NKAIN3: variants seen among roughly 807,000 people sequenced by gnomAD.
NKAIN3 encodes the protein sodium/potassium transporting ATPase interacting 3.
NKAIN3 carries 25 observed loss-of-function variants against 30.2 expected under a neutral mutation model. That is an observed-to-expected ratio of 0.83 (90% CI 0.60 to 1.16). NKAIN3 has a LOEUF of 1.16. Ranked by LOEUF, NKAIN3 falls within the 50% of genes most tolerant of loss-of-function variation. NKAIN3 has a pLI of 0.00. For missense variants in NKAIN3, 225 were observed against 254.1 expected (o/e 0.89, Z 0.78); for synonymous variants, 91 against 89.6 (o/e 1.02, Z -0.09).
At chr8:62,368,306 A>G (rs1009749869) in intron 1 of NKAIN3, among the ~76,000 whole-genome samples, 3 of 152,190 alleles carry the variant, frequency 2.0e-5, no homozygotes, top group Non-Finnish European at 2.9e-5. Context: ...CTCAAAATCT[A>G]TTATGAAGCT....
chr8:62,510,468 C>T (rs768775368), intron 1 of NKAIN3, among the ~76,000 whole-genome samples: 12 of 152,068 alleles, frequency 7.9e-5, no homozygotes, highest in Admixed American at 2.0e-4. Context: ...TGACAACTCA[C>T]GGCAGTGCAG....
intron 1 of NKAIN3, among the ~76,000 whole-genome samples, chr8:62,542,263 A>G (rs1342397965): frequency 6.6e-6 from 1 of 152,172 alleles, no homozygotes; most frequent in Admixed American, 6.5e-5. Flanking sequence ...CCTACTCTAA[A>G]TTCTTTCTGG....
intron 1 of NKAIN3, among the ~76,000 whole-genome samples, chr8:62,299,872 C>T (rs1221851770): frequency 1.3e-5 from 2 of 151,994 alleles, no homozygotes; most frequent in African/African-American, 4.8e-5. Context: ...TATTTTGTTA[C>T]CAGTTTCCTG....
At chr8:62,772,388 G>A (rs1365792869) in intron 4 of NKAIN3, among the ~76,000 whole-genome samples, 1 of 151,956 alleles carries the variant, frequency 6.6e-6, no homozygotes, top group African/African-American at 2.4e-5. Context: ...GATATCTTTT[G>A]ACAGTTTTTT....
At chr8:62,772,452 A>G (rs1817049892) in intron 4 of NKAIN3, among the ~76,000 whole-genome samples, 1 of 152,168 alleles carries the variant, frequency 6.6e-6, no homozygotes, top group Non-Finnish European at 1.5e-5. Context: ...CATTCTCACC[A>G]AAAAGTGTAT....
intron 3 of NKAIN3, among the ~76,000 whole-genome samples, chr8:62,648,050 C>T (rs974156569): frequency 6.6e-6 from 1 of 152,026 alleles, no homozygotes; most frequent in South Asian, 2.1e-4. Flanking sequence ...CAAAGTGATT[C>T]TCGGGTTTCT....
chr8:62,623,718 C>T (rs1039316104), intron 3 of NKAIN3, among the ~76,000 whole-genome samples: 1 of 151,974 alleles, frequency 6.6e-6, no homozygotes, highest in African/African-American at 2.4e-5. Flanking sequence ...TTTATTTCTC[C>T]TCCACTTTTG....
intron 4 of NKAIN3, among the ~76,000 whole-genome samples, chr8:62,766,917 G>T (rs114552145): frequency 0.074 from 3,939 of 53,048 alleles, 179 homozygotes; most frequent in African/African-American, 0.21. Flanking sequence ...CCCACCCCCC[G>T]ACCCCGGCGA....
intron 1 of NKAIN3, among the ~76,000 whole-genome samples, chr8:62,361,049 C>T (rs1263150278): frequency 6.6e-6 from 1 of 150,880 alleles, no homozygotes; most frequent in East Asian, 1.9e-4. Flanking sequence ...AGGACAAGAG[C>T]CATCTCTACA....
chr8:62,393,022 G>A (rs1817622313), intron 1 of NKAIN3, among the ~76,000 whole-genome samples: 1 of 151,980 alleles, frequency 6.6e-6, no homozygotes, highest in African/African-American at 2.4e-5. Flanking sequence ...ACATGGTGCA[G>A]GTCTCTAAAT....
intron 1 of NKAIN3, among the ~76,000 whole-genome samples, chr8:62,323,874 A>T (rs572606179): frequency 1.2e-4 from 19 of 152,338 alleles, no homozygotes; most frequent in South Asian, 6.2e-4. Flanking sequence ...AAACTGAATA[A>T]TTCCAAATAT....
chr8:62,553,685 C>A (rs926848411), intron 1 of NKAIN3, among the ~76,000 whole-genome samples: 2 of 151,794 alleles, frequency 1.3e-5, no homozygotes, highest in East Asian at 1.9e-4. Flanking sequence ...TACAGGCACC[C>A]ACCAACACAC....
At chr8:62,962,771 C>CA (rs1232932766) in intron 6 of NKAIN3, among the ~76,000 whole-genome samples, 1 of 152,038 alleles carries the variant, frequency 6.6e-6, no homozygotes, top group Non-Finnish European at 1.5e-5. Context: ...ATACTCTAGC[C>CA]AAAAAAGGCT....
At chr8:62,402,010 A>C (rs1803890500) in intron 1 of NKAIN3, among the ~76,000 whole-genome samples, 1 of 152,140 alleles carries the variant, frequency 6.6e-6, no homozygotes. Context: ...CAGGGCTTCA[A>C]GTGTCCCCTG....
chr8:62,394,946 C>T (rs1817698054), intron 1 of NKAIN3, among the ~76,000 whole-genome samples: 2 of 144,876 alleles, frequency 1.4e-5, no homozygotes, highest in South Asian at 4.5e-4. Flanking sequence ...GATGGTGGGG[C>T]AGCCAAGCAG....
At chr8:62,306,308 A>G (rs114550763) in intron 1 of NKAIN3, among the ~76,000 whole-genome samples, 3,214 of 150,074 alleles carry the variant, frequency 0.021, 372 homozygotes, top group African/African-American at 0.075. Context: ...TTTACTGTAC[A>G]TGGTGGGGGA....
In NKAIN3 at chr8:62,705,848, G is replaced by A. The variant is rs1022859066; in HGVS notation, c.274-41084G>A. Among the ~76,000 whole-genome samples, 3 of 152,090 alleles carry A rather than the reference G, an allele frequency of 2.0e-5. No individual in the cohort carries two copies. In the East Asian group the frequency reaches 5.8e-4, roughly 29 times the overall value. ...TTGTTTTGATTTTTCTCCCTGCATA[G>A]TGTTTCCTCCAAGTTGCTTTAGATA... On this transcript the variant is annotated intron_variant, in intron 3 of 6. Coordinates refer to ENST00000623646, the MANE Select transcript of NKAIN3 (RefSeq NM_001304533.3).
chr8:62,903,847 G>C (rs999417771), intron 4 of NKAIN3, among the ~76,000 whole-genome samples: 1 of 152,034 alleles, frequency 6.6e-6, no homozygotes, highest in Non-Finnish European at 1.5e-5. Flanking sequence ...AAGAGAAGGG[G>C]GAAGTCCCTG....
chr8:62,995,461 G>C (rs953240791), intron 5 of NKAIN3, among the ~76,000 whole-genome samples: 1 of 152,242 alleles, frequency 6.6e-6, no homozygotes, highest in Non-Finnish European at 1.5e-5. Context: ...TGGTGCCTGA[G>C]AGGGAAGGGA....
Sources: allele counts gnomAD v4.1 joint callset (sites outside exome capture counted in the v4.1 genomes callset), GRCh38; gene constraint gnomAD v4.1.1; transcripts MANE v1.5; gene names NCBI Gene and HGNC (gene_info 2026-07-23, HGNC 2026-07-21).